The following NR3C1 variants were observed in gnomAD, a reference collection of about 807,000 sequenced individuals.
NR3C1 encodes nuclear receptor subfamily 3 group C member 1.
NR3C1 carries 14 observed loss-of-function variants against 74.0 expected under a neutral mutation model. That is an observed-to-expected ratio of 0.19 (90% CI 0.12 to 0.30). The LOEUF (loss-of-function observed/expected upper bound fraction) is 0.30. NR3C1 is among the 10% of genes least tolerant of loss of function. The pLI is 1.00. For synonymous variants in NR3C1, 308 were observed against 332.5 expected (o/e 0.93, Z 0.80); for missense variants, 695 against 909.8 (o/e 0.76, Z 3.04).
At chr5:143,301,161 G>GA (rs1018914832) in intron 4 of NR3C1, among the ~76,000 whole-genome samples, 243 of 149,634 alleles carry the variant, frequency 1.6e-3, no homozygotes, top group African/African-American at 5.4e-3. Context: ...ACTATAAACT[G>GA]AAAAAAAAAT....
chr5:143,406,865 C>A (rs1303696384), upstream of NR3C1: 1 of 152,130 alleles, frequency 6.6e-6, no homozygotes, highest in Non-Finnish European at 1.5e-5. Context: ...GAGATGAACT[C>A]CAGTGTGCCA....
At chr5:143,347,677 C>T (rs1829545964) in intron 2 of NR3C1, among the ~76,000 whole-genome samples, 1 of 152,166 alleles carries the variant, frequency 6.6e-6, no homozygotes, top group East Asian at 1.9e-4. Flanking sequence ...AAATCACATT[C>T]TCATTGTAGA....
intron 2 of NR3C1, among the ~76,000 whole-genome samples, chr5:143,351,803 A>G (rs950664681): frequency 2.0e-5 from 3 of 152,150 alleles, no homozygotes; most frequent in African/African-American, 4.8e-5. Context: ...AAGCTATCCG[A>G]TGGTTCCTAA....
chr5:143,421,313 T>C (rs1053013124), intron 1 of NR3C1, among the ~76,000 whole-genome samples: 1 of 152,166 alleles, frequency 6.6e-6, no homozygotes, highest in African/African-American at 2.4e-5. Flanking sequence ...CTTCATCCCT[T>C]ATTTTCTTTC....
At chr5:143,405,249 T>A (rs1841034906), upstream of NR3C1, 1 of 985,764 alleles carries the variant, frequency 1.0e-6, no homozygotes, top group Non-Finnish European at 1.2e-6. Context: ...ACAGGTGACA[T>A]CGCTTGCCAG....
At chr5:143,349,935 A>T (rs1384685964) in intron 2 of NR3C1, among the ~76,000 whole-genome samples, 1 of 152,162 alleles carries the variant, frequency 6.6e-6, no homozygotes, top group Non-Finnish European at 1.5e-5. Flanking sequence ...GGCCTGCATG[A>T]CAATGTGATA....
chr5:143,333,367 A>C, intron 2 of NR3C1: 1 of 636,698 alleles, frequency 1.6e-6, no homozygotes, highest in Non-Finnish European at 2.8e-6. Flanking sequence ...AGGAAAGAGG[A>C]GGCTGGTACA....
chr5:143,290,966 T>G (rs1815786849), intron 7 of NR3C1, among the ~76,000 whole-genome samples: 1 of 152,168 alleles, frequency 6.6e-6, no homozygotes, highest in African/African-American at 2.4e-5. Flanking sequence ...TTTATGCATT[T>G]TTTTCTCCCT....
At chr5:143,358,746 C>T (rs1831644950) in intron 2 of NR3C1, among the ~76,000 whole-genome samples, 1 of 151,428 alleles carries the variant, frequency 6.6e-6, no homozygotes, top group Admixed American at 6.6e-5. Flanking sequence ...TACTAAAATT[C>T]AAAATTAGCC....
At chr5:143,362,926 C>T (rs2963153) in intron 2 of NR3C1, among the ~76,000 whole-genome samples, 43,556 of 152,000 alleles carry the variant, frequency 0.29, 6,503 homozygotes, top group Non-Finnish European at 0.32. Flanking sequence ...GTCCAACATA[C>T]TCCTGGAAAT....
intron 6 of NR3C1, among the ~76,000 whole-genome samples, chr5:143,296,890 A>C (rs895295955): frequency 6.6e-6 from 1 of 152,098 alleles, no homozygotes; most frequent in Non-Finnish European, 1.5e-5. Flanking sequence ...CAGCCTGGCC[A>C]ATATGGCAAA....
At chr5:143,295,088 TAGGAAACTAA>T in intron 7 of NR3C1, 1 of 985,386 alleles carries the variant, frequency 1.0e-6, no homozygotes, top group Non-Finnish European at 1.2e-6. Flanking sequence ...TAATACTCAT[TAGGAAACTAA>T]AATTTTTAAC....
chr5:143,424,245 G>T (rs1218183977), intron 1 of NR3C1, among the ~76,000 whole-genome samples: 1 of 149,138 alleles, frequency 6.7e-6, no homozygotes, highest in East Asian at 1.9e-4. Flanking sequence ...AAAAAAGAGG[G>T]GTGTTTAATG....
At position 143,288,933 on chromosome 5, in the gene NR3C1, C is replaced by T. The variant is rs139804128; in HGVS notation, c.2024-6208G>A. 1.1e-3 allele frequency among the ~76,000 whole-genome samples: 172 copies of T among 151,974 alleles called. 3 individuals carry two copies. The East Asian group carries it at 0.022, about 20-fold the overall frequency. On this transcript the variant is annotated intron_variant, in intron 7 of 8. Transcript: ENST00000394464. The stretch of plus-strand genomic sequence containing the variant: ...CAGCCTGGCCAACATGGCGAAACCC[C>T]GTCTCTACTAAAAATACAAAAATTA...
At chr5:143,283,511 A>C (rs1355499103) in intron 7 of NR3C1, among the ~76,000 whole-genome samples, 1 of 152,240 alleles carries the variant, frequency 6.6e-6, no homozygotes, top group East Asian at 1.9e-4. Flanking sequence ...GAAGGCTTCA[A>C]CAACAGTGTT....
At chr5:143,354,935 AAAAAG>A (rs1454734078) in intron 2 of NR3C1, among the ~76,000 whole-genome samples, 2 of 151,668 alleles carry the variant, frequency 1.3e-5, no homozygotes, top group East Asian at 3.9e-4. Flanking sequence ...AAAAAAAAAA[AAAAAG>A]AAAAAATCAA....
chr5:143,408,415 T>C (rs1841186587), upstream of NR3C1, among the ~76,000 whole-genome samples: 1 of 152,210 alleles, frequency 6.6e-6, no homozygotes, highest in Admixed American at 6.5e-5. Flanking sequence ...TTATTATTCA[T>C]CTGTAGAATT....
chr5:143,373,080 C>T (rs1834497993), intron 2 of NR3C1, among the ~76,000 whole-genome samples: 2 of 152,120 alleles, frequency 1.3e-5, no homozygotes, highest in African/African-American at 2.4e-5. Flanking sequence ...CACCATACTG[C>T]CACAAATGTA....
intron 2 of NR3C1, among the ~76,000 whole-genome samples, chr5:143,351,690 C>T (rs1357112818): frequency 6.6e-6 from 1 of 152,106 alleles, no homozygotes; most frequent in Non-Finnish European, 1.5e-5. Flanking sequence ...CATTTCTACT[C>T]TATTATTAGC....
Sources: gnomAD v4.1 joint callset for allele counts (sites outside exome capture counted in the v4.1 genomes callset) on GRCh38, gnomAD v4.1.1 for gene constraint, MANE v1.5 for transcripts, NCBI Gene and HGNC (gene_info 2026-07-23, HGNC 2026-07-21) for gene names.